Variants in MIPOL1 observed in about 807,000 individuals in gnomAD.
MIPOL1 encodes mirror-image polydactyly gene 1 protein.
A neutral mutation model predicts 60.9 loss-of-function variants in MIPOL1; 57 were observed. The ratio of observed to expected loss-of-function variants is 0.94; its 90% confidence interval spans 0.76 to 1.17. The LOEUF is 1.17. Among genes scored for constraint, MIPOL1 ranks in the 50% most tolerant of loss-of-function variants. The pLI is 0.00. For missense variants in MIPOL1, 551 were observed against 511.6 expected (o/e 1.08, Z -0.74); for synonymous variants, 179 against 168.8 (o/e 1.06, Z -0.47).
chr14:37,361,689 T>C (rs1356732397), intron 9 of MIPOL1, among the ~76,000 whole-genome samples: 3 of 128,508 alleles, frequency 2.3e-5, no homozygotes, highest in Non-Finnish European at 3.1e-5. Context: ...CAATGCAAGC[T>C]CCGCCTTCCC....
At chr14:37,304,630 G>C (rs966005331) in intron 7 of MIPOL1, among the ~76,000 whole-genome samples, 5 of 151,706 alleles carry the variant, frequency 3.3e-5, no homozygotes, top group African/African-American at 1.2e-4. Context: ...GGAGGTCAAC[G>C]TTTGGCATCT....
chr14:37,411,798 T>C (rs1208536830), intron 10 of MIPOL1, among the ~76,000 whole-genome samples: 3 of 152,162 alleles, frequency 2.0e-5, no homozygotes, highest in African/African-American at 4.8e-5. Flanking sequence ...CTTGAACTTA[T>C]AGTTTAAGCT....
chr14:37,364,675 C>A (rs915375104), intron 9 of MIPOL1, among the ~76,000 whole-genome samples: 2 of 152,028 alleles, frequency 1.3e-5, no homozygotes, highest in East Asian at 3.9e-4. Context: ...CAGTTTTGTT[C>A]TTTTTGCTTA....
intron 9 of MIPOL1, among the ~76,000 whole-genome samples, chr14:37,359,828 T>C (rs1332574277): frequency 1.3e-5 from 2 of 152,202 alleles, no homozygotes; most frequent in Non-Finnish European, 2.9e-5. Flanking sequence ...TCTTGCCCGA[T>C]TGCCCTGGCC....
At chr14:37,245,828 G>A (rs1973116450) in intron 1 of MIPOL1, among the ~76,000 whole-genome samples, 1 of 152,076 alleles carries the variant, frequency 6.6e-6, no homozygotes, top group Non-Finnish European at 1.5e-5. Flanking sequence ...TTTGGTTATA[G>A]CATAACTTAA....
chr14:37,291,041 T>A (rs1010379574), intron 7 of MIPOL1, among the ~76,000 whole-genome samples: 3 of 152,130 alleles, frequency 2.0e-5, no homozygotes, highest in African/African-American at 4.8e-5. Context: ...AAGGAAATGA[T>A]CTTGTGCTTT....
rs1263419041 is a variant in MIPOL1, at chr14:37,484,586, TC to T, written c.1032-15321del. Among the ~76,000 whole-genome samples, 4 of 152,026 alleles carry T rather than the reference TC, an allele frequency of 2.6e-5. No homozygotes were observed. The East Asian group carries it at 7.7e-4, about 29-fold the overall frequency. On this transcript the variant is annotated intron_variant, in intron 11 of 12. Transcript: ENST00000684589. ...CTCTTGACCTCGTGATCCGCCCCCC[TC>T]AGCCTCCCAAAGTGCTGGGATTACA...
Position 37,270,424 on chromosome 14 carries a change from A to G in MIPOL1, c.392A>G (p.Gln131Arg), listed in dbSNP as rs2083210229. 6.4e-7 allele frequency: 1 copy of G among 1,553,606 alleles called. No homozygotes were observed. Among genetic ancestry groups the G allele is most frequent in the East Asian group, 2.3e-5 (1 of 43,304 alleles). ...DILRTSNKKLQQKLAKEDKEQ... is the reference protein window; with the variant it reads ...DILRTSNKKLRQKLAKEDKEQ... The stretch of plus-strand genomic sequence containing the variant: ...ATTTTTTTCAATGTGCTTTAGCTTC[A>G]GCAGAAATTGGCTAAAGAAGATAAA... The change falls in exon 6 of 13, where the codon CAG becomes CGG. Residue 131 changes from glutamine to arginine, a missense_variant. Coordinates refer to ENST00000684589, the MANE Select transcript of MIPOL1 (RefSeq NM_001388067.1).
chr14:37,483,595 A>G (rs1252456426), intron 11 of MIPOL1, among the ~76,000 whole-genome samples: 1 of 152,100 alleles, frequency 6.6e-6, no homozygotes, highest in Non-Finnish European at 1.5e-5. Context: ...ATAGAATTAT[A>G]TGATCCAGCA....
chr14:37,290,260 C>T (rs535142520), intron 7 of MIPOL1, among the ~76,000 whole-genome samples: 1 of 152,258 alleles, frequency 6.6e-6, no homozygotes, highest in Admixed American at 6.5e-5. Flanking sequence ...GAGTCTGGCT[C>T]TGTCGCCCAA....
intron 3 of MIPOL1, chr14:37,265,263 T>G (rs1190466415): frequency 6.6e-6 from 1 of 152,216 alleles, no homozygotes; most frequent in East Asian, 1.9e-4. Context: ...CTTTGTGAAG[T>G]CTTCCTAGAG....
At chr14:37,414,463 C>T (rs1345031332) in intron 10 of MIPOL1, among the ~76,000 whole-genome samples, 1 of 152,156 alleles carries the variant, frequency 6.6e-6, no homozygotes, top group Non-Finnish European at 1.5e-5. Context: ...TCATGTTTGT[C>T]AGCCATGTAG....
chr14:37,277,359 T>G (rs1430551472), intron 6 of MIPOL1: 1 of 151,228 alleles, frequency 6.6e-6, no homozygotes, highest in Non-Finnish European at 1.5e-5. Flanking sequence ...AAATAAAAAT[T>G]TTTTAAGTTA....
At chr14:37,509,578 A>G (rs1326205236) in intron 12 of MIPOL1, among the ~76,000 whole-genome samples, 1 of 151,776 alleles carries the variant, frequency 6.6e-6, no homozygotes, top group Admixed American at 6.6e-5. Flanking sequence ...GAAAAAGCCT[A>G]TATATATGTA....
At chr14:37,360,190 A>C (rs1280436965) in intron 9 of MIPOL1, among the ~76,000 whole-genome samples, 2 of 152,020 alleles carry the variant, frequency 1.3e-5, no homozygotes, top group Admixed American at 6.6e-5. Context: ...TTGGCGGATA[A>C]GCTTTTTGAT....
At chr14:37,509,128 C>T (rs1218336389) in intron 12 of MIPOL1, among the ~76,000 whole-genome samples, 1 of 152,014 alleles carries the variant, frequency 6.6e-6, no homozygotes, top group Non-Finnish European at 1.5e-5. Context: ...TAAGCTTCAA[C>T]TACTACTTAT....
Position 37,549,433 on chromosome 14 carries a change from A to G in MIPOL1, c.*2462A>G, listed in dbSNP as rs1410445184. 1.3e-5 allele frequency: 2 copies of G among 151,670 alleles called. No individual in the cohort carries two copies. The highest frequency in any genetic ancestry group is 1.3e-4 in the Admixed American group (2 of 15,220). The allele number at this position is 151,670 out of a possible 1,614,324, so 9.4% of individuals were successfully genotyped here. On this transcript the variant is annotated 3_prime_UTR_variant, in exon 13 of 13. Coordinates refer to ENST00000684589, the MANE Select transcript of MIPOL1 (RefSeq NM_001388067.1). ...CCATATAATAACGATGGTGATGATA[A>G]TTTTAGTATTACTGTCATTATAATT... is the stretch of plus-strand genomic sequence containing the variant.
intron 1 of MIPOL1, among the ~76,000 whole-genome samples, chr14:37,198,820 T>G (rs1246010546): frequency 6.6e-6 from 1 of 152,176 alleles, no homozygotes; most frequent in Non-Finnish European, 1.5e-5. Context: ...CAAAACTACA[T>G]TTCAAGGAGG....
At chr14:37,461,024 C>T (rs902845934) in intron 11 of MIPOL1, among the ~76,000 whole-genome samples, 8 of 151,944 alleles carry the variant, frequency 5.3e-5, no homozygotes, top group Non-Finnish European at 1.0e-4. Flanking sequence ...CACTTGCAAC[C>T]AAAAAAGAGC....
Sources: allele counts gnomAD v4.1 joint callset (sites outside exome capture counted in the v4.1 genomes callset), GRCh38; gene constraint gnomAD v4.1.1; transcripts MANE v1.5; gene names NCBI Gene and HGNC (gene_info 2026-07-23, HGNC 2026-07-21).